Variants in DSCAM observed in about 807,000 individuals in gnomAD.
DSCAM encodes cell adhesion molecule DSCAM.
DSCAM carries 47 observed loss-of-function variants against 217.7 expected under a neutral mutation model. That is an observed-to-expected ratio of 0.22 (90% CI 0.17 to 0.28). The LOEUF (loss-of-function observed/expected upper bound fraction) is 0.28. Ranked by LOEUF, DSCAM falls within the 10% of genes least tolerant of loss-of-function variation. DSCAM has a pLI of 1.00. For synonymous variants in DSCAM, 1,056 were observed against 1,015.3 expected, an observed-to-expected ratio of 1.04 and a Z score of -0.76; for missense variants, 2,080 against 2,618.3, an observed-to-expected ratio of 0.79 and a Z score of 4.49.
At chr21:40,527,660 T>A (rs73902666) in intron 3 of DSCAM, among the ~76,000 whole-genome samples, 71 of 152,320 alleles carry the variant, frequency 4.7e-4, no homozygotes, top group African/African-American at 1.4e-3. Flanking sequence ...ACTAGACAAA[T>A]AGCCATTGTT....
chr21:40,647,164 A>G (rs8133820), intron 3 of DSCAM, among the ~76,000 whole-genome samples: 57,845 of 152,040 alleles, frequency 0.38, 11,821 homozygotes, highest in East Asian at 0.6. Context: ...TCAGAAGACC[A>G]GCATTCACCA....
intron 11 of DSCAM, among the ~76,000 whole-genome samples, chr21:40,249,021 AC>A (rs1857042587): frequency 1.3e-5 from 2 of 152,026 alleles, no homozygotes; most frequent in African/African-American, 4.8e-5. Context: ...GGAAAGACTG[AC>A]CCCCATGATT....
intron 1 of DSCAM, among the ~76,000 whole-genome samples, chr21:40,768,450 C>A (rs78857821): frequency 0.04 from 6,040 of 152,226 alleles, 408 homozygotes; most frequent in African/African-American, 0.14. Context: ...GTGCTCCCAA[C>A]AATTACAGCT....
At chr21:40,295,292 A>C (rs559609414) in intron 10 of DSCAM, among the ~76,000 whole-genome samples, 1 of 152,166 alleles carries the variant, frequency 6.6e-6, no homozygotes, top group Non-Finnish European at 1.5e-5. Flanking sequence ...AAGAAAGAGA[A>C]CTTCCAATAT....
At chr21:40,376,609 TTATATA>T (rs2074961666) in intron 3 of DSCAM, among the ~76,000 whole-genome samples, 1 of 23,586 alleles carries the variant, frequency 4.2e-5, no homozygotes, top group Non-Finnish European at 8.0e-5. Context: ...TCTATATATC[TTATATA>T]GATATCGATA....
intron 3 of DSCAM, among the ~76,000 whole-genome samples, chr21:40,574,201 C>T (rs1352469731): frequency 6.6e-6 from 1 of 151,896 alleles, no homozygotes; most frequent in Non-Finnish European, 1.5e-5. Context: ...GAAAAATATC[C>T]CTTATGGTCC....
chr21:40,468,192 AT>A (rs1186424141), intron 3 of DSCAM, among the ~76,000 whole-genome samples: 1 of 152,116 alleles, frequency 6.6e-6, no homozygotes, highest in East Asian at 1.9e-4. Context: ...ATTCACTGAA[AT>A]TTAAAATTCT....
intron 3 of DSCAM, among the ~76,000 whole-genome samples, chr21:40,418,911 C>T (rs2123813584): frequency 6.6e-6 from 1 of 152,108 alleles, no homozygotes; most frequent in Middle Eastern, 3.4e-3. Context: ...GAATATTCAA[C>T]CTATTTTTTT....
At chr21:40,660,717 CCT>C (rs2090129736) in intron 3 of DSCAM, among the ~76,000 whole-genome samples, 1 of 152,104 alleles carries the variant, frequency 6.6e-6, no homozygotes, top group African/African-American at 2.4e-5. Context: ...ACATACAGCC[CCT>C]GAGGCTTGCC....
At chr21:40,279,882 T>A (rs1471657654) in intron 10 of DSCAM, among the ~76,000 whole-genome samples, 1 of 151,964 alleles carries the variant, frequency 6.6e-6, no homozygotes, top group Non-Finnish European at 1.5e-5. Flanking sequence ...AAACACCTCA[T>A]GTTCTCACTC....
chr21:40,565,196 G>T (rs2076755601), intron 3 of DSCAM, among the ~76,000 whole-genome samples: 1 of 152,188 alleles, frequency 6.6e-6, no homozygotes, highest in Non-Finnish European at 1.5e-5. Flanking sequence ...GGTGTCTATA[G>T]CTGAATGGCC....
At chr21:40,050,054 A>G (rs2088903717) in intron 30 of DSCAM, among the ~76,000 whole-genome samples, 1 of 152,222 alleles carries the variant, frequency 6.6e-6, no homozygotes, top group Admixed American at 6.5e-5. Context: ...GCTGCGTTAC[A>G]TGCAGGAAAC....
intron 16 of DSCAM, among the ~76,000 whole-genome samples, chr21:40,155,218 C>T (rs1225942441): frequency 6.6e-6 from 1 of 152,224 alleles, no homozygotes; most frequent in Non-Finnish European, 1.5e-5. Flanking sequence ...CCAAGGACCA[C>T]ACAAGGGCAT....
At chr21:40,232,213 A>C (rs185058117) in intron 11 of DSCAM, among the ~76,000 whole-genome samples, 195 of 152,354 alleles carry the variant, frequency 1.3e-3, no homozygotes, top group African/African-American at 4.6e-3. Flanking sequence ...TTCTAGTTGC[A>C]GCCCTGAAGA....
intron 3 of DSCAM, among the ~76,000 whole-genome samples, chr21:40,607,540 G>A (rs572194280): frequency 6.4e-4 from 97 of 151,944 alleles, no homozygotes; most frequent in Non-Finnish European, 1.0e-3. Flanking sequence ...AAATCTCATC[G>A]TGAATTGTAC....
At chr21:40,230,429 A>T (rs1429253757) in intron 11 of DSCAM, among the ~76,000 whole-genome samples, 1 of 152,148 alleles carries the variant, frequency 6.6e-6, no homozygotes, top group African/African-American at 2.4e-5. Flanking sequence ...GAATTGGCCA[A>T]TTTTATCTGA....
intron 19 of DSCAM, among the ~76,000 whole-genome samples, chr21:40,132,441 T>C (rs11908764): frequency 0.027 from 4,039 of 152,350 alleles, 169 homozygotes; most frequent in African/African-American, 0.091. Flanking sequence ...GATATCTCTA[T>C]TGATGTGTGA....
At chr21:40,693,564 T>A (rs529834512) in intron 2 of DSCAM, among the ~76,000 whole-genome samples, 119 of 152,148 alleles carry the variant, frequency 7.8e-4, no homozygotes, top group African/African-American at 2.7e-3. Context: ...AAACTGCTAT[T>A]AGTCCTCTAA....
intron 12 of DSCAM, 57 bp from the exon 13 acceptor site, chr21:40,188,044 C>T (rs1326502114): frequency 1.3e-5 from 18 of 1,366,028 alleles, no homozygotes; most frequent in South Asian, 6.4e-5. Context: ...GACTTTGAGC[C>T]GTAAAGCTCT....
Sources: gnomAD v4.1 joint callset for allele counts (sites outside exome capture counted in the v4.1 genomes callset) on GRCh38, gnomAD v4.1.1 for gene constraint, MANE v1.5 for transcripts, NCBI Gene and HGNC (gene_info 2026-07-23, HGNC 2026-07-21) for gene names.